ENPP6: variants seen among roughly 807,000 people sequenced by gnomAD.
The protein encoded by ENPP6 is ectonucleotide pyrophosphatase/phosphodiesterase 6.
ENPP6 carries 32 observed loss-of-function variants against 42.0 expected under a neutral mutation model. The observed-to-expected ratio is 0.76, with a 90% CI of 0.58 to 1.02. ENPP6 has a LOEUF of 1.02. Among genes scored for constraint, ENPP6 ranks in the 50% least tolerant of loss-of-function variants. The probability of loss-of-function intolerance (pLI) is 0.00; values close to 1 mark genes in which losing one functional copy is unlikely to be tolerated. For missense variants in ENPP6, 552 were observed against 566.8 expected (o/e 0.97, Z 0.27); for synonymous variants, 213 against 216.0 (o/e 0.99, Z 0.12).
intron 6 of ENPP6, among the ~76,000 whole-genome samples, chr4:184,108,185 A>G (rs1736135150): frequency 6.6e-6 from 1 of 152,264 alleles, no homozygotes; most frequent in South Asian, 2.1e-4. Context: ...ACCCAGCATC[A>G]CCATGTCCTG....
intron 1 of ENPP6, among the ~76,000 whole-genome samples, chr4:184,181,211 C>T (rs1732546043): frequency 6.6e-6 from 1 of 152,152 alleles, no homozygotes; most frequent in African/African-American, 2.4e-5. Flanking sequence ...TCTTATACAT[C>T]AACAATAGAC....
intron 1 of ENPP6, among the ~76,000 whole-genome samples, chr4:184,213,014 G>T (rs1403544353): frequency 6.6e-6 from 1 of 151,808 alleles, no homozygotes; most frequent in East Asian, 1.9e-4. Flanking sequence ...AATAAATGGT[G>T]CTGGGAAAAC....
chr4:184,146,310 A>C (rs1736919532), intron 2 of ENPP6, among the ~76,000 whole-genome samples: 1 of 152,010 alleles, frequency 6.6e-6, no homozygotes, highest in Admixed American at 6.5e-5. Flanking sequence ...GGGTGCTTGT[A>C]ATCCCAGCTA....
At chr4:184,177,433 C>A (rs1410515034) in intron 1 of ENPP6, among the ~76,000 whole-genome samples, 1 of 152,200 alleles carries the variant, frequency 6.6e-6, no homozygotes, top group Non-Finnish European at 1.5e-5. Context: ...GATCTTTTCC[C>A]CTGCTGGCTC....
intron 1 of ENPP6, among the ~76,000 whole-genome samples, chr4:184,154,995 C>T (rs111928030): frequency 5.3e-5 from 8 of 152,048 alleles, no homozygotes; most frequent in African/African-American, 1.2e-4. Flanking sequence ...GAATAAATGT[C>T]ATGCCCATCC....
At chr4:184,138,712 C>A (rs770671409) in intron 2 of ENPP6, among the ~76,000 whole-genome samples, 52 of 152,308 alleles carry the variant, frequency 3.4e-4, no homozygotes, top group Middle Eastern at 3.4e-3. Flanking sequence ...AGTCTGAAGA[C>A]TCCTGAACTC....
At chr4:184,208,412 C>T (rs971834950) in intron 1 of ENPP6, among the ~76,000 whole-genome samples, 9 of 152,196 alleles carry the variant, frequency 5.9e-5, no homozygotes, top group Non-Finnish European at 1.2e-4. Flanking sequence ...CGGGGCGAGG[C>T]ATTGCCTCAC....
intron 2 of ENPP6, among the ~76,000 whole-genome samples, chr4:184,144,841 T>C (rs1736891361): frequency 1.1e-4 from 16 of 152,208 alleles, no homozygotes. Flanking sequence ...CTTCACTGGG[T>C]CCCACCCTGG....
intron 1 of ENPP6, among the ~76,000 whole-genome samples, chr4:184,180,795 C>T (rs558531892): frequency 9.2e-5 from 14 of 152,066 alleles, no homozygotes; most frequent in South Asian, 2.1e-4. Flanking sequence ...AAAAGGCCTT[C>T]GATAAAATTC....
chr4:184,129,920 G>A (rs1049626780), intron 2 of ENPP6, among the ~76,000 whole-genome samples: 1 of 92,052 alleles, frequency 1.1e-5, no homozygotes, highest in Non-Finnish European at 2.3e-5. Flanking sequence ...TCAATGACTG[G>A]TTTGGCAGAC....
Position 184,116,742 on chromosome 4 carries a change from A to AAAC in ENPP6, c.855+111_855+113dup, listed in dbSNP as rs1212552122. ...AAGTGAAACTCTGCCTCAAAAAAAG[A>AAAC]AACAAACACACACACACAAAACAAA... On this transcript the variant is annotated intron_variant, in intron 5 of 7. Coordinates refer to ENST00000296741, the MANE Select transcript of ENPP6 (RefSeq NM_153343.4). 170 of 1,415,784 alleles carry AAAC rather than the reference A, an allele frequency of 1.2e-4. 1 individual carries two copies. The highest frequency in any genetic ancestry group is 1.5e-4 in the Non-Finnish European group (161 of 1,044,990). 87.7% of individuals were successfully genotyped at this position (1,415,784 alleles called of 1,614,324 possible).
chr4:184,115,943 C>T (rs1176971679), intron 5 of ENPP6, among the ~76,000 whole-genome samples: 5 of 152,138 alleles, frequency 3.3e-5, no homozygotes, highest in Admixed American at 6.5e-5. Flanking sequence ...AGGCCGGGCA[C>T]GGTGGTTCAC....
At position 184,153,642 on chromosome 4, in the gene ENPP6, G is replaced by T. The variant is rs937733501; in HGVS notation, c.333C>A (p.Ser111Arg). Residue 111 changes from serine (S) to arginine (R), a missense_variant, in exon 2 of 8, where the codon AGC becomes AGA. Coordinates refer to ENST00000296741, the MANE Select transcript of ENPP6 (RefSeq NM_153343.4). ...KSFDIGVNKD[S>R]LMPLWWNGSE... ...ATCCATTCCACCAGAGAGGCATTAG[G>T]CTGTCTTTGTTGACGCCAATGTCAA... 22 of 1,614,178 alleles carry T rather than the reference G, an allele frequency of 1.4e-5. No individual in the cohort carries two copies. The highest frequency in any genetic ancestry group is 1.8e-5 in the Non-Finnish European group (21 of 1,180,028).
chr4:184,115,563 A>C (rs1000569414), intron 5 of ENPP6, among the ~76,000 whole-genome samples: 1 of 152,132 alleles, frequency 6.6e-6, no homozygotes, highest in African/African-American at 2.4e-5. Context: ...TCTGGTGGGG[A>C]TCATCATGGT....
chr4:184,197,624 C>A (rs1732825474), intron 1 of ENPP6, among the ~76,000 whole-genome samples: 1 of 152,220 alleles, frequency 6.6e-6, no homozygotes, highest in Non-Finnish European at 1.5e-5. Context: ...AATGCACTAG[C>A]ATCTCTAAGT....
intron 2 of ENPP6, among the ~76,000 whole-genome samples, chr4:184,125,743 AG>A (rs1736493244): frequency 3.3e-5 from 5 of 152,326 alleles, no homozygotes; most frequent in Middle Eastern, 3.4e-3. Context: ...AAAAGCAGGA[AG>A]TTTCCTTTTC....
Position 184,195,270 on chromosome 4 carries a change from T to C in ENPP6, c.241+22309A>G, listed in dbSNP as rs1426827327. Among the ~76,000 whole-genome samples the C allele has an allele frequency of 3.9e-5, 6 of 152,222 alleles. No homozygotes were observed. In the East Asian group the frequency reaches 1.2e-3, roughly 29 times the overall value. ...CCAATAGTTATTTTTCCTGATCCTC[T>C]CCCTCCTCCCACCCTCCGCTGTCCG... is the stretch of plus-strand genomic sequence containing the variant. On this transcript the variant is annotated intron_variant, in intron 1 of 7. Transcript: ENST00000296741.
intron 3 of ENPP6, among the ~76,000 whole-genome samples, chr4:184,118,934 C>A (rs1353053303): frequency 6.6e-6 from 1 of 152,218 alleles, no homozygotes; most frequent in Non-Finnish European, 1.5e-5. Flanking sequence ...TCTCCCATCA[C>A]CTTATGATTC....
At chr4:184,167,087 CA>C (rs1348759629) in intron 1 of ENPP6, among the ~76,000 whole-genome samples, 1 of 152,012 alleles carries the variant, frequency 6.6e-6, no homozygotes, top group Non-Finnish European at 1.5e-5. Context: ...AAATTTAACT[CA>C]GTAAAAAAAA....
Sources: allele counts gnomAD v4.1 joint callset (sites outside exome capture counted in the v4.1 genomes callset), GRCh38; gene constraint gnomAD v4.1.1; transcripts MANE v1.5; gene names NCBI Gene and HGNC (gene_info 2026-07-23, HGNC 2026-07-21).